FBF1: variants seen among roughly 807,000 people sequenced by gnomAD.
FBF1 encodes the protein Fas binding factor 1, also known as fas-binding factor 1.
Under a neutral mutation model 147.2 loss-of-function variants are expected in FBF1, and 119 were observed. The ratio of observed to expected loss-of-function variants is 0.81; its 90% CI spans 0.70 to 0.94. FBF1 has a LOEUF of 0.94. Among genes scored for constraint, FBF1 ranks in the 40% least tolerant of loss-of-function variants. The probability of loss-of-function intolerance (pLI) is 0.00; values close to 1 mark genes in which losing one functional copy is unlikely to be tolerated. For synonymous variants in FBF1, 601 were observed against 609.0 expected (o/e 0.99, Z 0.19); for missense variants, 1,449 against 1,500.8 (o/e 0.97, Z 0.57).
intron 10 of FBF1, 125 bp from the exon 11 acceptor site, chr17:75,926,551 T>C (rs1269409747): frequency 7.2e-7 from 1 of 1,396,734 alleles, no homozygotes; most frequent in African/African-American, 1.5e-5. Context: ...CTGCCTGGTC[T>C]GTCCACGGGA....
At chr17:75,927,395 C>T (rs2065568843) in intron 9 of FBF1, 60 bp downstream of exon 9, 1 of 1,469,120 alleles carries the variant, frequency 6.8e-7, no homozygotes, top group Non-Finnish European at 9.3e-7. Context: ...AGCAAGCATG[C>T]CTAGGCTGCT....
Position 75,921,223 on chromosome 17 carries a change from C to T in FBF1, c.1674+21G>A, listed in dbSNP as rs547911699. The T allele has an allele frequency of 5.1e-6, 8 of 1,571,986 alleles. No homozygotes were observed. In the Admixed American group the frequency reaches 1.1e-4, roughly 22 times the overall value. On this transcript the variant is annotated intron_variant, in intron 17 of 29. Transcript: ENST00000636174. ...ATTGCTCCCTAGGCCCTGAGCTAGA[C>T]CTGTCTGCCCACACCCCTACCTGGA... is the stretch of plus-strand genomic sequence containing the variant.
rs1202971540 is a variant in FBF1 at position 75,935,656 on chromosome 17, G to GA, written c.48dup (p.Leu17SerfsTer3). The GA allele has an allele frequency of 6.5e-7, 1 of 1,537,028 alleles. No individual in the cohort carries two copies. The highest frequency in any genetic ancestry group is 2.0e-5 in the Admixed American group (1 of 50,938). On this transcript the variant is annotated frameshift_variant, in exon 4 of 30. Coordinates refer to ENST00000636174, the MANE Select transcript of FBF1 (RefSeq NM_001319193.2). LOFTEE classifies it high-confidence loss of function. ...CTATCATCCCCTAGAAGGTCACCAA[G>GA]AAAATCATCAATGGAGCCTGGAACA... is the stretch of plus-strand genomic sequence containing the variant.
intron 4 of FBF1, among the ~76,000 whole-genome samples, chr17:75,933,339 G>A (rs569222182): frequency 6.6e-6 from 1 of 152,116 alleles, no homozygotes; most frequent in South Asian, 2.1e-4. Context: ...CCAACTCAAT[G>A]CACCCCAAGG....
In FBF1 at chr17:75,928,496, A is replaced by T. The variant is rs568861151; in HGVS notation, c.280-303T>A. Among the ~76,000 whole-genome samples the T allele has an allele frequency of 2.8e-3, 424 of 152,126 alleles. 1 individual carries two copies. Among genetic ancestry groups the T allele is most frequent in the Non-Finnish European group, 4.0e-3 (274 of 67,982 alleles). On this transcript the variant is annotated intron_variant, in intron 7 of 29. Transcript: ENST00000636174. The surrounding 1 kb of genome is among the most constrained non-coding windows in gnomAD (Gnocchi z 4.2). ...CCTAGGTGGCTGGTCTCGGGAAAAA[A>T]GCTTTCTTTTTTTTCTTTTTTTAGA...
intron 3 of FBF1, 135 bp from the exon 4 acceptor site, chr17:75,935,808 G>A: frequency 1.4e-6 from 1 of 729,698 alleles, no homozygotes; most frequent in Non-Finnish European, 2.1e-6. Context: ...CCTTTCATTG[G>A]CCACGAGATG....
rs1435006230 is a variant in FBF1 at position 75,939,204 on chromosome 17, G to A, written c.-83-972C>T. The stretch of plus-strand genomic sequence containing the variant: ...TCAGCTACTCAGGAGGCTGAGGCAG[G>A]AGACTAGGTTGAACCTAGGAGGAGA... On this transcript the variant is annotated intron_variant, in intron 1 of 29. Coordinates refer to ENST00000636174, the MANE Select transcript of FBF1 (RefSeq NM_001319193.2). Among the ~76,000 whole-genome samples, 3 of 150,956 alleles carry A rather than the reference G, an allele frequency of 2.0e-5. No homozygotes were observed. In the Admixed American group the frequency reaches 2.0e-4, roughly 10 times the overall value.
At chr17:75,935,446 C>T (rs539821707) in intron 4 of FBF1, among the ~76,000 whole-genome samples, 186 bp downstream of exon 4, 1 of 152,066 alleles carries the variant, frequency 6.6e-6, no homozygotes, top group South Asian at 2.1e-4. Context: ...GGATTACAGG[C>T]GCATATATCT....
At chr17:75,935,288 C>A (rs555225229) in intron 4 of FBF1, among the ~76,000 whole-genome samples, 1 of 151,812 alleles carries the variant, frequency 6.6e-6, no homozygotes, top group South Asian at 2.1e-4. Context: ...CCTCAGCTTT[C>A]CAAGTAGGTG....
chr17:75,923,714 G>T lies in FBF1; in HGVS notation c.969-73C>A, dbSNP rs2065543604. On this transcript the variant is annotated intron_variant, in intron 13 of 29. Coordinates refer to ENST00000636174, the MANE Select transcript of FBF1 (RefSeq NM_001319193.2). The surrounding 1 kb of genome is among the most constrained non-coding windows in gnomAD (Gnocchi z 4.1). The stretch of plus-strand genomic sequence containing the variant: ...AGTGGCCCCCTAGCAGCCTGCAGCT[G>T]GGCGTCACGATGCCCAGGGACCCTG... The T allele has an allele frequency of 1.7e-5, 24 of 1,405,416 alleles. No homozygotes were observed. Among genetic ancestry groups the T allele is most frequent in the Non-Finnish European group, 2.3e-5 (24 of 1,047,258 alleles). The allele number at this position is 1,405,416 out of a possible 1,614,324, so 87.1% of individuals were successfully genotyped here.
intron 7 of FBF1, 33 bp downstream of exon 7, chr17:75,929,964 C>CCCCCTCT: frequency 7.1e-7 from 1 of 1,402,202 alleles, no homozygotes; most frequent in Admixed American, 2.0e-5. Flanking sequence ...CACCCACCCC[C>CCCCCTCT]AGTTCTAAGA....
In FBF1 at chr17:75,913,755, C is replaced by A; in HGVS notation, c.3194G>T (p.Ser1065Ile). The A allele has an allele frequency of 6.2e-7, 1 of 1,604,082 alleles. No individual in the cohort carries two copies. Among genetic ancestry groups the A allele is most frequent in the East Asian group, 2.2e-5 (1 of 44,850 alleles). ...LDRARQDLPS[S>I]LVGLFPRAQG... ...GGCCCTGGGGAACAGACCCACGAGG[C>A]TAGAGGGCAGGTCCTGTCGTGCGCG... Residue 1065 changes from serine (S) to isoleucine (I), a missense_variant, in exon 28 of 30, where the codon AGC becomes ATC. Ser to Ile is a moderately radical substitution (Grantham distance 142). Transcript: ENST00000636174.
At position 75,913,150 on chromosome 17, in the gene FBF1, T is replaced by C. The variant is rs552063989; in HGVS notation, c.3247+552A>G. On this transcript the variant is annotated intron_variant, in intron 28 of 29. Transcript: ENST00000636174. ...GGAGTGGCGTTGAGGGTGACTTTTTTTTTTTTTTTTTTTTTTTAAACGGAG... is the reference window on the plus strand; with the variant it reads ...GGAGTGGCGTTGAGGGTGACTTTTTCTTTTTTTTTTTTTTTTTAAACGGAG... Among the ~76,000 whole-genome samples the C allele has an allele frequency of 5.7e-4, 86 of 150,184 alleles. No homozygotes were observed. In the South Asian group the frequency reaches 0.017, roughly 29 times the overall value.
In FBF1 at chr17:75,926,400, C is replaced by G; in HGVS notation, c.622G>C (p.Asp208His). ...QGPSIPLTPG[D>H]TPIRKKEELL... ...TCTTCTTTTTTTCGGATGGGGGTGT[C>G]CCCAGGAGTTAGAGGAATAGAGGGA... The change falls in exon 11 of 30, where the codon GAC (aspartate) becomes CAC (histidine). Residue 208 changes from aspartate to histidine, a missense_variant. Coordinates refer to ENST00000636174, the MANE Select transcript of FBF1 (RefSeq NM_001319193.2). The G allele has an allele frequency of 6.3e-7, 1 of 1,593,612 alleles. No homozygotes were observed. Among genetic ancestry groups the G allele is most frequent in the Non-Finnish European group, 8.5e-7 (1 of 1,170,348 alleles).
At position 75,926,872 on chromosome 17, in the gene FBF1, C is replaced by T; in HGVS notation, c.481G>A (p.Glu161Lys). The T allele has an allele frequency of 6.2e-7, 1 of 1,611,056 alleles. No individual in the cohort carries two copies. The highest frequency in any genetic ancestry group is 8.5e-7 in the Non-Finnish European group (1 of 1,178,634). ...GAGAGAAGTCCTCTCAATGGGTCTT[C>T]CAAGTCTCACAGCAGAAGGGAAAGC... ...QNRRFSSEDLEDPLRGLLSYD... is the reference protein window; with the variant it reads ...QNRRFSSEDLKDPLRGLLSYD... Residue 161 changes from glutamate (E) to lysine (K), a missense_variant, in exon 10 of 30, where the codon GAA becomes AAA. Glu to Lys is a moderately conservative substitution (Grantham distance 56). Transcript: ENST00000636174.
In FBF1 at chr17:75,938,200, A is replaced by G; in HGVS notation, c.-51T>C. The stretch of plus-strand genomic sequence containing the variant: ...GCTCCTTCACAGCACTGGCCAGCTC[A>G]TCTGGATTCTGCCCACATCAGGCTC... On this transcript the variant is annotated 5_prime_UTR_variant, in exon 2 of 30. It removes an upstream start codon present in the reference 5' UTR. Transcript: ENST00000636174. The G allele has an allele frequency of 6.2e-7, 1 of 1,608,640 alleles. No homozygotes were observed. Among genetic ancestry groups the G allele is most frequent in the South Asian group, 1.1e-5 (1 of 90,720 alleles).
intron 17 of FBF1, among the ~76,000 whole-genome samples, chr17:75,920,827 T>TC (rs2144167217): frequency 1.1e-5 from 1 of 91,030 alleles, no homozygotes; most frequent in South Asian, 3.3e-4. Context: ...AGGGACACAC[T>TC]CCTGGGGGGG....
intron 5 of FBF1, 40 bp downstream of exon 5, chr17:75,932,955 T>C (rs1267545403): frequency 2.1e-6 from 3 of 1,426,780 alleles, no homozygotes; most frequent in Non-Finnish European, 2.9e-6. Flanking sequence ...GCATTTAGAC[T>C]GAAGTAGGTC....
chr17:75,929,944 G>GTGGGGGC, intron 7 of FBF1, 53 bp downstream of exon 7: 1 of 685,836 alleles, frequency 1.5e-6, no homozygotes. Context: ...AAAATATCAT[G>GTGGGGGC]ACCCCACCCC....
Sources: gnomAD v4.1 joint callset for allele counts (sites outside exome capture counted in the v4.1 genomes callset) on GRCh38, gnomAD v4.1.1 for gene constraint, Gnocchi (gnomAD v3.1) non-coding constraint, MANE v1.5 for transcripts, NCBI Gene and HGNC (gene_info 2026-07-23, HGNC 2026-07-21) for gene names.